KCTD8: variants seen among roughly 807,000 people sequenced by gnomAD.
The protein encoded by KCTD8 is potassium channel tetramerization domain containing 8.
Under a neutral mutation model 31.5 loss-of-function variants are expected in KCTD8, and 27 were observed. That is an observed-to-expected ratio of 0.86 (90% CI 0.63 to 1.18). KCTD8 has a LOEUF of 1.18. Ranked by LOEUF, KCTD8 falls within the 50% of genes most tolerant of loss-of-function variation. KCTD8 has a pLI of 0.00. For synonymous variants in KCTD8, 290 were observed against 280.0 expected (o/e 1.04, Z -0.36); for missense variants, 658 against 647.7 (o/e 1.02, Z -0.17).
chr4:44,364,874 A>G (rs1719589637), intron 1 of KCTD8, among the ~76,000 whole-genome samples: 1 of 152,108 alleles, frequency 6.6e-6, no homozygotes. Flanking sequence ...CAGTAAAAAA[A>G]AAAAGTCAGT....
rs907920752 is a variant in KCTD8, at chr4:44,444,511, G to A, written c.961+3052C>T. Among the ~76,000 whole-genome samples, 47 of 152,022 alleles carry A rather than the reference G, an allele frequency of 3.1e-4. 1 individual carries two copies. The highest frequency in any genetic ancestry group is 1.0e-3 in the African/African-American group (42 of 41,452). On this transcript the variant is annotated intron_variant, in intron 1 of 1. Transcript: ENST00000360029. ...AACAAAATTAAAATTTAATGTTGAC[G>A]AGAACAATAAAAACAGTAACATATT...
chr4:44,228,249 T>C (rs1234052350), intron 1 of KCTD8, among the ~76,000 whole-genome samples: 1 of 152,296 alleles, frequency 6.6e-6, no homozygotes, highest in East Asian at 1.9e-4. Flanking sequence ...CTGAGGCTTC[T>C]CTCCTTGGCT....
chr4:44,331,221 G>C (rs1181576264), intron 1 of KCTD8, among the ~76,000 whole-genome samples: 1 of 151,764 alleles, frequency 6.6e-6, no homozygotes, highest in Non-Finnish European at 1.5e-5. Flanking sequence ...AAAAAGAATA[G>C]TTCTAATTGT....
intron 1 of KCTD8, among the ~76,000 whole-genome samples, chr4:44,199,804 A>G (rs965893506): frequency 3.3e-5 from 5 of 152,044 alleles, no homozygotes; most frequent in African/African-American, 4.8e-5. Flanking sequence ...ATCTAAAACC[A>G]GAGAAGAACT....
At chr4:44,392,034 G>A (rs1323820473) in intron 1 of KCTD8, among the ~76,000 whole-genome samples, 1 of 151,992 alleles carries the variant, frequency 6.6e-6, no homozygotes, top group Non-Finnish European at 1.5e-5. Context: ...CTTACCAACT[G>A]TCAGAATTTC....
intron 1 of KCTD8, among the ~76,000 whole-genome samples, chr4:44,442,623 A>C (rs1721841300): frequency 6.6e-6 from 1 of 152,164 alleles, no homozygotes; most frequent in African/African-American, 2.4e-5. Flanking sequence ...TAACTATAAA[A>C]AGGGTGACTT....
At chr4:44,376,783 G>A (rs905838629) in intron 1 of KCTD8, among the ~76,000 whole-genome samples, 2 of 152,156 alleles carry the variant, frequency 1.3e-5, no homozygotes, top group Non-Finnish European at 2.9e-5. Flanking sequence ...GGAAGTCAAA[G>A]ATCACTTTTG....
chr4:44,415,376 G>A (rs922187637), intron 1 of KCTD8, among the ~76,000 whole-genome samples: 2 of 152,106 alleles, frequency 1.3e-5, no homozygotes, highest in Admixed American at 6.6e-5. Context: ...AATCCAAGCA[G>A]GCTGCAGAGA....
chr4:44,370,933 A>G (rs1165230873), intron 1 of KCTD8, among the ~76,000 whole-genome samples: 1 of 151,974 alleles, frequency 6.6e-6, no homozygotes, highest in African/African-American at 2.4e-5. Flanking sequence ...ATAGAAAGAG[A>G]TTTATTGTGA....
chr4:44,207,416 T>C (rs1256828375), intron 1 of KCTD8, among the ~76,000 whole-genome samples: 1 of 152,166 alleles, frequency 6.6e-6, no homozygotes, highest in African/African-American at 2.4e-5. Context: ...GAATTTTCAT[T>C]TTACGTTTCT....
At chr4:44,223,726 C>G (rs116672501) in intron 1 of KCTD8, among the ~76,000 whole-genome samples, 1 of 152,280 alleles carries the variant, frequency 6.6e-6, no homozygotes, top group African/African-American at 2.4e-5. Context: ...GTGTCAAATT[C>G]CTTTCTTCTT....
chr4:44,402,902 A>G (rs1048734751), intron 1 of KCTD8, among the ~76,000 whole-genome samples: 6 of 152,198 alleles, frequency 3.9e-5, no homozygotes, highest in Non-Finnish European at 7.4e-5. Context: ...CACTGACACA[A>G]CTTAGCCTTG....
In KCTD8 at chr4:44,346,016, G is replaced by A. The variant is rs968542871; in HGVS notation, c.961+101547C>T. The stretch of plus-strand genomic sequence containing the variant: ...CTAGAGATTTCAATCTAGTTAAAGC[G>A]TTCATAATTTATATGGTTATGCTGT... On this transcript the variant is annotated intron_variant, in intron 1 of 1. Coordinates refer to ENST00000360029, the MANE Select transcript of KCTD8 (RefSeq NM_198353.3). Among the ~76,000 whole-genome samples the A allele has an allele frequency of 2.6e-5, 4 of 152,020 alleles. 1 individual carries two copies. The highest frequency in any genetic ancestry group is 4.1e-4 in the South Asian group (2 of 4,832).
chr4:44,289,430 G>A (rs1717203769), intron 1 of KCTD8, among the ~76,000 whole-genome samples: 1 of 152,030 alleles, frequency 6.6e-6, no homozygotes, highest in East Asian at 1.9e-4. Flanking sequence ...GTACAATAAG[G>A]GAACATACTT....
chr4:44,301,363 T>A (rs565719644), intron 1 of KCTD8, among the ~76,000 whole-genome samples: 6 of 152,252 alleles, frequency 3.9e-5, no homozygotes, highest in Non-Finnish European at 7.4e-5. Flanking sequence ...GTTCTCCACA[T>A]CCTCTCCAGC....
intron 1 of KCTD8, among the ~76,000 whole-genome samples, chr4:44,305,707 G>T (rs946181020): frequency 4.0e-5 from 6 of 151,750 alleles, no homozygotes; most frequent in Admixed American, 3.9e-4. Context: ...CCACTAACAT[G>T]ATTGATATAG....
intron 1 of KCTD8, among the ~76,000 whole-genome samples, chr4:44,181,168 T>A (rs552552129): frequency 7.6e-4 from 114 of 150,546 alleles, no homozygotes; most frequent in African/African-American, 2.7e-3. Context: ...TCCCTCTCCC[T>A]CTCCCCATGG....
chr4:44,290,915 G>A (rs1316909939), intron 1 of KCTD8, among the ~76,000 whole-genome samples: 2 of 151,886 alleles, frequency 1.3e-5, no homozygotes, highest in East Asian at 3.9e-4. Flanking sequence ...GGGGAAAAAA[G>A]AACAAACCAA....
At chr4:44,358,873 A>AC (rs1206176507) in intron 1 of KCTD8, among the ~76,000 whole-genome samples, 1 of 152,178 alleles carries the variant, frequency 6.6e-6, no homozygotes, top group Non-Finnish European at 1.5e-5. Flanking sequence ...TCTAACTGGC[A>AC]TGAGATGGTA....
Sources: allele counts gnomAD v4.1 joint callset (sites outside exome capture counted in the v4.1 genomes callset), GRCh38; gene constraint gnomAD v4.1.1; transcripts MANE v1.5; gene names NCBI Gene and HGNC (gene_info 2026-07-23, HGNC 2026-07-21).